ADK: variants seen among roughly 807,000 people sequenced by gnomAD.
The protein encoded by ADK is adenosine kinase, also known as N6,N6-dimethyladenosine kinase.
Under a neutral mutation model 44.7 loss-of-function variants are expected in ADK, and 24 were observed. The ratio of observed to expected loss-of-function variants is 0.54; its 90% CI spans 0.39 to 0.76. ADK has a LOEUF of 0.76. Among genes scored for constraint, ADK ranks in the 30% least tolerant of loss-of-function variants. The pLI is 0.00. For synonymous variants in ADK, 128 were observed against 142.6 expected, an observed-to-expected ratio of 0.90 and a Z score of 0.73; for missense variants, 321 against 425.1, an observed-to-expected ratio of 0.76 and a Z score of 2.15.
intron 4 of ADK, among the ~76,000 whole-genome samples, chr10:74,387,400 A>G (rs1471120338): frequency 6.6e-6 from 1 of 152,236 alleles, no homozygotes; most frequent in East Asian, 1.9e-4. Flanking sequence ...TGCAGTGCCT[A>G]ACAGGTAGAA....
At chr10:74,389,505 A>C (rs1207589432) in intron 4 of ADK, among the ~76,000 whole-genome samples, 1 of 152,068 alleles carries the variant, frequency 6.6e-6, no homozygotes, top group Non-Finnish European at 1.5e-5. Context: ...ATTTTTAAAA[A>C]TCTATTTCAT....
chr10:74,423,726 C>T, intron 6 of ADK: 1 of 447,280 alleles, frequency 2.2e-6, no homozygotes, highest in South Asian at 1.8e-5. Context: ...CTAGCTCCTT[C>T]ACCCATTTCT....
At chr10:74,654,333 G>A (rs190618064) in intron 9 of ADK, among the ~76,000 whole-genome samples, 7 of 152,272 alleles carry the variant, frequency 4.6e-5, no homozygotes, top group Admixed American at 2.0e-4. Context: ...TAACTATGAC[G>A]CCTTGGTCCA....
chr10:74,511,687 T>C (rs1310975845), intron 6 of ADK, among the ~76,000 whole-genome samples: 1 of 152,206 alleles, frequency 6.6e-6, no homozygotes, highest in African/African-American at 2.4e-5. Context: ...TTATCAGTTC[T>C]AAGAGTTTTT....
At chr10:74,373,232 A>G (rs1842723620) in intron 4 of ADK, among the ~76,000 whole-genome samples, 1 of 152,268 alleles carries the variant, frequency 6.6e-6, no homozygotes, top group South Asian at 2.1e-4. Context: ...ATAGGGATAC[A>G]TGTTTATGAC....
chr10:74,151,304 A>T lies in ADK; in HGVS notation c.26A>T (p.Lys9Met). The change falls in exon 1 of 11, where the codon AAG (lysine) becomes ATG (methionine). Residue 9 changes from lysine (K) to methionine (M), a missense_variant. Physicochemically the swap from Lys to Met is moderately conservative, Grantham distance 95 (BLOSUM62 -1). Coordinates refer to ENST00000539909, the MANE Select transcript of ADK (RefSeq NM_006721.4). MAAAEEEP[K>M]PKKLKVEAPQ... ...ATGGCAGCTGCTGAGGAGGAGCCGAAGCCCAAAAAGCTGAAGGTGGAGGCG... is the reference window on the plus strand; with the variant it reads ...ATGGCAGCTGCTGAGGAGGAGCCGATGCCCAAAAAGCTGAAGGTGGAGGCG... 1 of 1,549,648 alleles carries T rather than the reference A, an allele frequency of 6.5e-7. No homozygotes were observed. The highest frequency in any genetic ancestry group is 8.7e-7 in the Non-Finnish European group (1 of 1,146,830).
intron 1 of ADK, among the ~76,000 whole-genome samples, chr10:74,178,520 G>A (rs1482759816): frequency 6.6e-6 from 1 of 152,194 alleles, no homozygotes; most frequent in African/African-American, 2.4e-5. Context: ...TTAAGAATCA[G>A]TTGTTATGTG....
At chr10:74,307,309 T>A (rs569906833) in intron 3 of ADK, among the ~76,000 whole-genome samples, 23 of 152,338 alleles carry the variant, frequency 1.5e-4, no homozygotes, top group Non-Finnish European at 2.2e-4. Flanking sequence ...GCAAATGTGT[T>A]TTGGGGCAAA....
chr10:74,696,372 T>G (rs1166162270), intron 10 of ADK, among the ~76,000 whole-genome samples: 1 of 151,436 alleles, frequency 6.6e-6, no homozygotes, highest in African/African-American at 2.4e-5. Flanking sequence ...TTGTTTTTGT[T>G]TTTGTTTTTT....
At chr10:74,382,528 AT>A (rs946890274) in intron 4 of ADK, among the ~76,000 whole-genome samples, 10 of 152,088 alleles carry the variant, frequency 6.6e-5, no homozygotes, top group African/African-American at 2.2e-4. Context: ...CTTGACACCT[AT>A]TGTAACACCA....
chr10:74,281,638 C>T (rs1261573780), intron 3 of ADK, among the ~76,000 whole-genome samples: 2 of 152,066 alleles, frequency 1.3e-5, no homozygotes, highest in Non-Finnish European at 2.9e-5. Flanking sequence ...GATAATAATT[C>T]CTCAGATTGA....
In ADK at chr10:74,194,623, G is replaced by T. The variant is rs1843058284; in HGVS notation, c.66-6141G>T. Among the ~76,000 whole-genome samples the T allele has an allele frequency of 4.6e-5, 7 of 152,296 alleles. No individual in the cohort carries two copies. The South Asian group carries it at 1.5e-3, about 32-fold the overall frequency. ...TTGGTGATATTGTGCAGGATTTATT[G>T]TGGCTAAAACAATTGCTAACAATGT... On this transcript the variant is annotated intron_variant, in intron 1 of 10. Transcript: ENST00000539909.
intron 1 of ADK, among the ~76,000 whole-genome samples, chr10:74,157,647 G>A (rs1841785892): frequency 6.6e-6 from 1 of 151,676 alleles, no homozygotes; most frequent in South Asian, 2.1e-4. Flanking sequence ...GGGAGGCCAA[G>A]GCGGGCAGAT....
At chr10:74,170,072 C>G (rs1842119062) in intron 1 of ADK, among the ~76,000 whole-genome samples, 1 of 152,096 alleles carries the variant, frequency 6.6e-6, no homozygotes, top group African/African-American at 2.4e-5. Flanking sequence ...AGAAGTTTCT[C>G]TTTTTGGATA....
chr10:74,450,532 T>G (rs1195702049), intron 6 of ADK, among the ~76,000 whole-genome samples: 1 of 152,220 alleles, frequency 6.6e-6, no homozygotes, highest in Non-Finnish European at 1.5e-5. Context: ...AGATCCAAAT[T>G]TAATTTTGTA....
chr10:74,273,659 T>C (rs1165956514), intron 3 of ADK, among the ~76,000 whole-genome samples: 4 of 152,284 alleles, frequency 2.6e-5, no homozygotes, highest in Admixed American at 2.0e-4. Context: ...GGTTTCACCA[T>C]GTTGGCCAGG....
chr10:74,500,042 T>TA (rs1847837257), intron 6 of ADK, among the ~76,000 whole-genome samples: 1 of 152,176 alleles, frequency 6.6e-6, no homozygotes, highest in Non-Finnish European at 1.5e-5. Flanking sequence ...ATGAGAGGAT[T>TA]AATAGATCAA....
chr10:74,496,514 G>A (rs910396812), intron 6 of ADK, among the ~76,000 whole-genome samples: 1 of 152,186 alleles, frequency 6.6e-6, no homozygotes, highest in Non-Finnish European at 1.5e-5. Context: ...AGTTTCCTGA[G>A]GCTTCCAGCC....
chr10:74,338,694 T>C (rs1841490101), intron 4 of ADK, among the ~76,000 whole-genome samples: 1 of 152,200 alleles, frequency 6.6e-6, no homozygotes, highest in Non-Finnish European at 1.5e-5. Flanking sequence ...TGATTCCAAT[T>C]ATATAGTATT....
Sources: gnomAD v4.1 joint callset for allele counts (sites outside exome capture counted in the v4.1 genomes callset) on GRCh38, gnomAD v4.1.1 for gene constraint, MANE v1.5 for transcripts, NCBI Gene and HGNC (gene_info 2026-07-23, HGNC 2026-07-21) for gene names.